Variants in SVIL observed in about 807,000 individuals in gnomAD.
The protein encoded by SVIL is archvillin.
Under a neutral mutation model 240.4 loss-of-function variants are expected in SVIL, and 101 were observed. The observed-to-expected ratio is 0.42, with a 90% CI of 0.36 to 0.50. SVIL has a LOEUF of 0.50. SVIL is among the 20% of genes least tolerant of loss of function. The probability of loss-of-function intolerance (pLI) is 0.01; values close to 1 mark genes in which losing one functional copy is unlikely to be tolerated. For synonymous variants in SVIL, 999 were observed against 1,100.0 expected, an observed-to-expected ratio of 0.91 and a Z score of 1.82; for missense variants, 2,512 against 2,818.7, an observed-to-expected ratio of 0.89 and a Z score of 2.46.
In SVIL at chr10:29,525,414, G is replaced by A. The variant is rs546363188; in HGVS notation, c.2343-699C>T. ...GGATCACTTGAATTTAGGAGTTGGA[G>A]ACTAGCCTGGGCAACATCGTGAAAC... On this transcript the variant is annotated intron_variant, in intron 13 of 37. Coordinates refer to ENST00000355867, the MANE Select transcript of SVIL (RefSeq NM_021738.3). 2.0e-5 allele frequency among the ~76,000 whole-genome samples: 3 copies of A among 152,246 alleles called. No homozygotes were observed. In the South Asian group the frequency reaches 6.2e-4, roughly 32 times the overall value.
chr10:29,485,361 A>C (rs1414829071), intron 26 of SVIL, among the ~76,000 whole-genome samples: 2 of 152,182 alleles, frequency 1.3e-5, no homozygotes, highest in Non-Finnish European at 2.9e-5. Flanking sequence ...CATGAATGTA[A>C]TGCTATTTCT....
intron 3 of SVIL, among the ~76,000 whole-genome samples, chr10:29,647,980 A>AAC (rs1564734144): frequency 6.6e-6 from 1 of 151,426 alleles, no homozygotes; most frequent in African/African-American, 2.4e-5. Flanking sequence ...TCAAAAAAAA[A>AAC]AAAAACAAAA....
chr10:29,694,188 A>G (rs1350052817), intron 1 of SVIL, among the ~76,000 whole-genome samples: 1 of 145,988 alleles, frequency 6.8e-6, no homozygotes, highest in Non-Finnish European at 1.5e-5. Flanking sequence ...TGAGGTTAGG[A>G]GTTTGAAGCA....
At chr10:29,669,222 G>C (rs1305162157) in intron 2 of SVIL, among the ~76,000 whole-genome samples, 1 of 152,166 alleles carries the variant, frequency 6.6e-6, no homozygotes, top group Non-Finnish European at 1.5e-5. Context: ...TGGGGAAGAA[G>C]GCTGGGGCAC....
chr10:29,696,444 G>A (rs1962005871), intron 1 of SVIL, among the ~76,000 whole-genome samples: 1 of 150,036 alleles, frequency 6.7e-6, no homozygotes, highest in African/African-American at 2.5e-5. Flanking sequence ...CCCTCTGCCT[G>A]GCTGCCCAGT....
chr10:29,551,960 A>G (rs1459538107), intron 5 of SVIL, among the ~76,000 whole-genome samples: 1 of 152,022 alleles, frequency 6.6e-6, no homozygotes, highest in Non-Finnish European at 1.5e-5. Flanking sequence ...AAATTATTTT[A>G]AAAATTAGCT....
At chr10:29,512,042 G>A (rs1245256529) in intron 17 of SVIL, among the ~76,000 whole-genome samples, 1 of 152,214 alleles carries the variant, frequency 6.6e-6, no homozygotes, top group Non-Finnish European at 1.5e-5. Flanking sequence ...CAGCCAGAAG[G>A]TGCATTTGCA....
chr10:29,558,398 TAA>T (rs879851578), intron 3 of SVIL, among the ~76,000 whole-genome samples: 7 of 152,044 alleles, frequency 4.6e-5, no homozygotes, highest in Non-Finnish European at 7.4e-5. Context: ...AAAAGGAAAA[TAA>T]AAAAGTCTCC....
intron 1 of SVIL, among the ~76,000 whole-genome samples, chr10:29,732,450 A>G (rs926955009): frequency 8.5e-5 from 13 of 152,192 alleles, no homozygotes; most frequent in African/African-American, 3.1e-4. Flanking sequence ...ATGTATATAC[A>G]ATATAGAGTA....
intron 6 of SVIL, among the ~76,000 whole-genome samples, chr10:29,537,815 G>A (rs1407612153): frequency 1.3e-5 from 2 of 152,156 alleles, no homozygotes; most frequent in East Asian, 3.8e-4. Context: ...TCTAGGCTTG[G>A]ACTGATCTGT....
intron 3 of SVIL, among the ~76,000 whole-genome samples, chr10:29,651,068 A>G (rs574943746): frequency 1.3e-5 from 2 of 152,266 alleles, no homozygotes; most frequent in South Asian, 4.1e-4. Flanking sequence ...AACTAAACAA[A>G]ATCAAAACCA....
chr10:29,494,261 G>T (rs1307713261), intron 20 of SVIL, among the ~76,000 whole-genome samples: 3 of 152,018 alleles, frequency 2.0e-5, no homozygotes, highest in African/African-American at 7.2e-5. Flanking sequence ...ACTGCTCCAT[G>T]TGTGTAATAA....
chr10:29,549,878 G>T lies in SVIL; in HGVS notation c.827+719C>A, dbSNP rs12570166. On this transcript the variant is annotated intron_variant, in intron 6 of 37. Transcript: ENST00000355867. ...CACACTCTGGGGACTGTTGTGGGGT[G>T]GGGGGAGGGGGGAGGGATAGCATTG... 2.0e-3 allele frequency among the ~76,000 whole-genome samples: 180 copies of T among 90,246 alleles called. 2 individuals are homozygous for T. Among genetic ancestry groups the T allele is most frequent in the Non-Finnish European group, 2.9e-3 (138 of 47,336 alleles). 59.2% of individuals were successfully genotyped at this position (90,246 alleles called of 152,430 possible).
At chr10:29,647,637 T>G (rs75433291) in intron 3 of SVIL, among the ~76,000 whole-genome samples, 24,639 of 150,366 alleles carry the variant, frequency 0.16, 2,101 homozygotes, top group Middle Eastern at 0.24. Flanking sequence ...GTGTGTGTGT[T>G]TGTGTGTGTG....
intron 36 of SVIL, 101 bp downstream of exon 36, chr10:29,462,176 C>A: frequency 7.1e-7 from 1 of 1,402,784 alleles, no homozygotes. Flanking sequence ...AAAATATTTT[C>A]CCACTCTGAA....
intron 2 of SVIL, among the ~76,000 whole-genome samples, chr10:29,668,169 T>C (rs1028910750): frequency 1.3e-5 from 2 of 152,170 alleles, no homozygotes; most frequent in African/African-American, 2.4e-5. Flanking sequence ...TAGATAATAA[T>C]GGGAACTCTC....
At chr10:29,648,250 C>T (rs576236497) in intron 3 of SVIL, among the ~76,000 whole-genome samples, 2 of 152,198 alleles carry the variant, frequency 1.3e-5, no homozygotes, top group Non-Finnish European at 2.9e-5. Flanking sequence ...AGGGTGGCTT[C>T]CTGCTCATGC....
rs1213587128 is a variant in SVIL at position 29,524,589 on chromosome 10, G to C, written c.2469C>G (p.Asn823Lys). The change falls in exon 14 of 38, where the codon AAC (asparagine) becomes AAG (lysine). Residue 823 changes from asparagine (N) to lysine (K), a missense_variant. Coordinates refer to ENST00000355867, the MANE Select transcript of SVIL (RefSeq NM_021738.3). ...LSLAEKLALF[N>K]KLSQPVSKAI... The stretch of plus-strand genomic sequence containing the variant: ...CTTTTGAGACTGGCTGGGACAATTT[G>C]TTAAACAAGGCCAACTTTTCGGCCA... 2 of 1,614,022 alleles carry C rather than the reference G, an allele frequency of 1.2e-6. No individual in the cohort carries two copies. The highest frequency in any genetic ancestry group is 2.7e-5 in the African/African-American group (2 of 74,914).
intron 16 of SVIL, among the ~76,000 whole-genome samples, chr10:29,515,700 A>G (rs1242561075): frequency 1.3e-5 from 2 of 152,216 alleles, no homozygotes. Flanking sequence ...AAAAGATCAA[A>G]TTCATCTTCC....
Sources: allele counts gnomAD v4.1 joint callset (sites outside exome capture counted in the v4.1 genomes callset), GRCh38; gene constraint gnomAD v4.1.1; transcripts MANE v1.5; gene names NCBI Gene and HGNC (gene_info 2026-07-23, HGNC 2026-07-21).